The following C12orf56 variants were observed in gnomAD, a reference collection of about 807,000 sequenced individuals.
C12orf56 encodes the protein chromosome 12 open reading frame 56.
C12orf56 carries 71 observed loss-of-function variants against 69.9 expected under a neutral mutation model. That is an observed-to-expected ratio of 1.02 (90% CI 0.84 to 1.24). The LOEUF (loss-of-function observed/expected upper bound fraction) is 1.24, where lower values mean the gene tolerates loss of function less well. Among genes scored for constraint, C12orf56 ranks in the 50% most tolerant of loss-of-function variants. The probability of loss-of-function intolerance (pLI) is 0.00; values close to 1 mark genes in which losing one functional copy is unlikely to be tolerated. For missense variants in C12orf56, 732 were observed against 738.5 expected (o/e 0.99, Z 0.10); for synonymous variants, 276 against 274.1 (o/e 1.01, Z -0.07).
At chr12:64,267,317 A>G (rs1482379277) in intron 12 of C12orf56, 29 bp from the exon 13 acceptor site, 2 of 1,533,514 alleles carry the variant, frequency 1.3e-6, no homozygotes, top group African/African-American at 2.7e-5. Context: ...AACAAAATAG[A>G]GAGTTTTAAA....
chr12:64,322,584 G>A (rs375238122), intron 3 of C12orf56, among the ~76,000 whole-genome samples: 3 of 152,204 alleles, frequency 2.0e-5, no homozygotes, highest in African/African-American at 7.2e-5. Flanking sequence ...TTGGGAGGCC[G>A]AGGTGGAAGG....
In C12orf56 at chr12:64,387,077, CAAAAAAAAAAAAAAAAAAAAA is replaced by C. The variant is rs869290282; in HGVS notation, c.252+3216_252+3236del. On this transcript the variant is annotated intron_variant, in intron 1 of 12. Transcript: ENST00000543942. ...TGGGTAACAGAGCGAGACTCTATCT[CAAAAAAAAAAAAAAAAAAAAA>C]AAAAAAAAAAAAGATGTGTTCACAT... Among the ~76,000 whole-genome samples, 2 of 42,086 alleles carry C rather than the reference CAAAAAAAAAAAAAAAAAAAAA, an allele frequency of 4.8e-5. 1 individual carries two copies. The highest frequency in any genetic ancestry group is 2.2e-4 in the African/African-American group (2 of 9,134). The allele number at this position is 42,086 out of a possible 152,430, so 27.6% of individuals were successfully genotyped here. A position where few individuals can be genotyped will look rare whatever the true frequency, so the allele number is the denominator to read the frequency against.
rs377519537 is a variant in C12orf56, at chr12:64,390,393, C to G, written c.173G>C (p.Arg58Pro). Reference protein sequence around the residue: ...HILKYVVLSDRLVYLTENPPK... With the variant: ...HILKYVVLSDPLVYLTENPPK... Reference sequence around the variant, plus strand: ...CGGGTTCTCGGTTAGGTAGACGAGCCGGTCGCTTAGCACCACATACTTGAG... The same window carrying G: ...CGGGTTCTCGGTTAGGTAGACGAGCGGGTCGCTTAGCACCACATACTTGAG... The change falls in exon 1 of 13, where the codon CGG becomes CCG. Residue 58 changes from arginine (R) to proline (P), a missense_variant. Arg to Pro is a moderately radical substitution (Grantham distance 103). Transcript: ENST00000543942. 30 of 1,613,258 alleles carry G rather than the reference C, an allele frequency of 1.9e-5. No individual in the cohort carries two copies. The highest frequency in any genetic ancestry group is 2.7e-5 in the African/African-American group (2 of 74,914).
chr12:64,390,427 T>A lies in C12orf56; in HGVS notation c.139A>T (p.Asn47Tyr). 1 of 1,612,632 alleles carries A rather than the reference T, an allele frequency of 6.2e-7. No individual in the cohort carries two copies. Among genetic ancestry groups the A allele is most frequent in the South Asian group, 1.1e-5 (1 of 91,076 alleles). ...EPCIVVSNSENHILKYVVLSD... is the reference protein window; with the variant it reads ...EPCIVVSNSEYHILKYVVLSD... Reference sequence around the variant, plus strand: ...AGCACCACATACTTGAGGATGTGGTTCTCAGAGTTGGACACCACGATGCAT... The same window carrying A: ...AGCACCACATACTTGAGGATGTGGTACTCAGAGTTGGACACCACGATGCAT... The change falls in exon 1 of 13, where the codon AAC becomes TAC. Residue 47 changes from asparagine to tyrosine, a missense_variant. Asn to Tyr is a moderately radical substitution (Grantham distance 143, BLOSUM62 -2). Coordinates refer to ENST00000543942, the MANE Select transcript of C12orf56 (RefSeq NM_001170633.2).
At chr12:64,323,307 T>C (rs1208077638) in intron 3 of C12orf56, among the ~76,000 whole-genome samples, 1 of 152,204 alleles carries the variant, frequency 6.6e-6, no homozygotes, top group East Asian at 1.9e-4. Flanking sequence ...TTGCTCACCA[T>C]TGTATTCATA....
intron 4 of C12orf56, among the ~76,000 whole-genome samples, chr12:64,318,028 C>T (rs139274148): frequency 6.8e-6 from 1 of 147,364 alleles, no homozygotes; most frequent in Non-Finnish European, 1.5e-5. Context: ...ACTTCCATGA[C>T]TCACCTTACC....
chr12:64,344,007 A>C (rs960499972), intron 2 of C12orf56, among the ~76,000 whole-genome samples: 2 of 152,148 alleles, frequency 1.3e-5, no homozygotes, highest in Non-Finnish European at 2.9e-5. Context: ...AAGCTGAGCT[A>C]AAACTCCATT....
intron 3 of C12orf56, among the ~76,000 whole-genome samples, chr12:64,330,133 G>A (rs960906696): frequency 5.3e-5 from 8 of 152,048 alleles, no homozygotes; most frequent in East Asian, 1.9e-4. Context: ...ACTAGTTTAC[G>A]TTCCACCAAC....
At chr12:64,357,923 AAAAG>A (rs2039342114) in intron 1 of C12orf56, among the ~76,000 whole-genome samples, 3 of 152,084 alleles carry the variant, frequency 2.0e-5, no homozygotes, top group Admixed American at 1.3e-4. Flanking sequence ...AAGAAAAAGA[AAAAG>A]AAATAAAGAA....
chr12:64,374,450 C>T (rs1473632636), intron 1 of C12orf56, among the ~76,000 whole-genome samples: 1 of 152,142 alleles, frequency 6.6e-6, no homozygotes, highest in Non-Finnish European at 1.5e-5. Flanking sequence ...ATATCACTCA[C>T]AAATGTATCT....
intron 1 of C12orf56, among the ~76,000 whole-genome samples, chr12:64,370,919 G>A (rs1234627921): frequency 6.6e-6 from 1 of 152,128 alleles, no homozygotes; most frequent in African/African-American, 2.4e-5. Context: ...AAGATTGCTT[G>A]AGCCCAGGAG....
Position 64,331,035 on chromosome 12 carries a change from T to TAA in C12orf56, c.416-5_416-4dup, listed in dbSNP as rs11392869. 1.0e-3 allele frequency: 1,471 copies of TAA among 1,403,012 alleles called. No homozygotes were observed. The highest frequency in any genetic ancestry group is 4.1e-3 in the African/African-American group (280 of 67,858). 86.9% of individuals were successfully genotyped at this position (1,403,012 alleles called of 1,614,324 possible). On this transcript the variant is annotated splice_polypyrimidine_tract_variant and splice_region_variant and intron_variant, in intron 2 of 12. Coordinates refer to ENST00000543942, the MANE Select transcript of C12orf56 (RefSeq NM_001170633.2). The stretch of plus-strand genomic sequence containing the variant: ...AAGGCCGTTCTTTTCTTCCTTGACT[T>TAA]AAAAAAAAAATAGTTATTTGGTCAT...
intron 12 of C12orf56, among the ~76,000 whole-genome samples, chr12:64,269,713 C>T (rs1035075698): frequency 6.6e-6 from 1 of 151,968 alleles, no homozygotes; most frequent in African/African-American, 2.4e-5. Context: ...CTCAGCCTCC[C>T]GAATAGCTGG....
intron 12 of C12orf56, among the ~76,000 whole-genome samples, chr12:64,269,458 G>A (rs1389064408): frequency 2.0e-5 from 3 of 152,084 alleles, no homozygotes; most frequent in Admixed American, 6.6e-5. Context: ...TTACTGAGAG[G>A]GGTAAGTGAA....
intron 1 of C12orf56, among the ~76,000 whole-genome samples, chr12:64,386,261 T>C (rs1019184208): frequency 5.3e-5 from 8 of 151,928 alleles, no homozygotes; most frequent in Non-Finnish European, 8.8e-5. Flanking sequence ...TTGCCCAGGC[T>C]GGAGTGCAAT....
intron 4 of C12orf56, among the ~76,000 whole-genome samples, chr12:64,317,066 A>T (rs555627129): frequency 7.2e-5 from 11 of 152,280 alleles, no homozygotes; most frequent in African/African-American, 2.6e-4. Context: ...AATATATGAG[A>T]TCTTTTTTTA....
intron 4 of C12orf56, among the ~76,000 whole-genome samples, chr12:64,315,014 C>T (rs535621293): frequency 4.1e-4 from 50 of 121,570 alleles, no homozygotes; most frequent in African/African-American, 1.6e-3. Flanking sequence ...TGCAGTGGCA[C>T]GATCTTGGCT....
chr12:64,274,914 C>G lies in C12orf56; in HGVS notation c.1571G>C (p.Ser524Thr), dbSNP rs781608834. Residue 524 changes from serine (S) to threonine (T), a missense_variant, in exon 11 of 13, where the codon AGC becomes ACC. By Grantham distance (58) the Ser-to-Thr change is moderately conservative. Transcript: ENST00000543942. ...CTAGATACTTACGATGGGAGGACAG[C>G]TTTGTAGAAAGGACATTATCCAGCT... ...AISWIMSFLQSCPPIITFVAS... is the reference protein window; with the variant it reads ...AISWIMSFLQTCPPIITFVAS... 6.2e-7 allele frequency: 1 copy of G among 1,610,962 alleles called. No individual in the cohort carries two copies. The highest frequency in any genetic ancestry group is 8.5e-7 in the Non-Finnish European group (1 of 1,177,434).
At chr12:64,359,223 C>T (rs1457966257) in intron 1 of C12orf56, among the ~76,000 whole-genome samples, 3 of 152,188 alleles carry the variant, frequency 2.0e-5, no homozygotes, top group African/African-American at 7.2e-5. Context: ...ATTTGTTACA[C>T]TGAGCTCATA....
Sources: allele counts gnomAD v4.1 joint callset (sites outside exome capture counted in the v4.1 genomes callset), GRCh38; gene constraint gnomAD v4.1.1; transcripts MANE v1.5; gene names NCBI Gene and HGNC (gene_info 2026-07-23, HGNC 2026-07-21).